NEK8: variants seen among roughly 807,000 people sequenced by gnomAD.
NEK8 encodes the protein serine/threonine-protein kinase Nek8.
Under a neutral mutation model 77.2 loss-of-function variants are expected in NEK8, and 51 were observed. The ratio of observed to expected loss-of-function variants is 0.66; its 90% CI spans 0.53 to 0.83. The LOEUF is 0.83. Ranked by LOEUF, NEK8 falls within the 40% of genes least tolerant of loss-of-function variation. The probability of loss-of-function intolerance (pLI) is 0.00; values close to 1 mark genes in which losing one functional copy is unlikely to be tolerated. For missense variants in NEK8, 787 were observed against 909.2 expected, an observed-to-expected ratio of 0.87 and a Z score of 1.73; for synonymous variants, 365 against 363.2, an observed-to-expected ratio of 1.00 and a Z score of -0.06.
chr17:28,736,271 A>G (rs2034364882), intron 4 of NEK8, among the ~76,000 whole-genome samples: 1 of 152,136 alleles, frequency 6.6e-6, no homozygotes, highest in South Asian at 2.1e-4. Context: ...ATGATTTATA[A>G]TCCTTTGGGT....
intron 1 of NEK8, chr17:28,732,942 T>A (rs1401932470): frequency 6.6e-6 from 1 of 152,098 alleles, no homozygotes; most frequent in African/African-American, 2.4e-5. Flanking sequence ...GGCGCAATCA[T>A]GGCTAACTGT....
chr17:28,733,353 T>C (rs968715056), intron 1 of NEK8, among the ~76,000 whole-genome samples: 11 of 152,204 alleles, frequency 7.2e-5, no homozygotes, highest in African/African-American at 2.4e-4. Flanking sequence ...TATCTGAGTC[T>C]AGGGTTCAGA....
chr17:28,729,703 C>T (rs1390074764), intron 1 of NEK8, among the ~76,000 whole-genome samples: 8 of 152,066 alleles, frequency 5.3e-5, no homozygotes, highest in Admixed American at 1.3e-4. Flanking sequence ...CCACCATGCC[C>T]AGCTAATATT....
In NEK8 at chr17:28,737,605, C is replaced by T. The variant is rs2034377890; in HGVS notation, c.828-70C>T. ...GTCTGAGGCAGAGGGAAACCTGGGG[C>T]AAGTCCTCCCTTCCTGCATGTAGGA... On this transcript the variant is annotated intron_variant, in intron 5 of 14. Coordinates refer to ENST00000268766, the MANE Select transcript of NEK8 (RefSeq NM_178170.3). The surrounding 1 kb of genome is among the most constrained non-coding windows in gnomAD (Gnocchi z 4.8). 1 of 1,613,772 alleles carries T rather than the reference C, an allele frequency of 6.2e-7. No homozygotes were observed. Among genetic ancestry groups the T allele is most frequent in the African/African-American group, 1.3e-5 (1 of 74,912 alleles).
At position 28,740,402 on chromosome 17, in the gene NEK8, C is replaced by A; in HGVS notation, c.1418-61C>A. Reference sequence around the variant, plus strand: ...TGTTCCCTCCCCTCAGTGGGCCCTCCTCATTCGGGCATCACCCCCACTAAA... The same window carrying A: ...TGTTCCCTCCCCTCAGTGGGCCCTCATCATTCGGGCATCACCCCCACTAAA... On this transcript the variant is annotated intron_variant, in intron 10 of 14. Coordinates refer to ENST00000268766, the MANE Select transcript of NEK8 (RefSeq NM_178170.3). The surrounding 1 kb of genome is among the most constrained non-coding windows in gnomAD (Gnocchi z 4.7). 2 of 1,489,872 alleles carry A rather than the reference C, an allele frequency of 1.3e-6. No homozygotes were observed. Among genetic ancestry groups the A allele is most frequent in the Non-Finnish European group, 1.9e-6 (2 of 1,066,946 alleles). The allele number at this position is 1,489,872 out of a possible 1,614,324, so 92.3% of individuals were successfully genotyped here.
At chr17:28,728,944 A>C (rs956932798) in intron 1 of NEK8, 84 bp downstream of exon 1, 65 of 1,270,688 alleles carry the variant, frequency 5.1e-5, no homozygotes, top group Non-Finnish European at 6.4e-5. Context: ...CCGCCCGCCT[A>C]ATCCCGCCCC....
At chr17:28,734,497 A>G (rs2034341714) in intron 2 of NEK8, 2 of 563,876 alleles carry the variant, frequency 3.5e-6, no homozygotes, top group Admixed American at 6.2e-5. Context: ...AACACGGGGA[A>G]ACCCCGTCTC....
chr17:28,730,227 C>T (rs868806190), intron 1 of NEK8, among the ~76,000 whole-genome samples: 13 of 151,428 alleles, frequency 8.6e-5, no homozygotes, highest in Admixed American at 1.3e-4. Context: ...TCTCCTGCCT[C>T]AGCATCCTGA....
chr17:28,738,101 C>A lies in NEK8; in HGVS notation c.1078C>A (p.Pro360Thr), dbSNP rs368688884. The A allele has an allele frequency of 5.0e-6, 8 of 1,613,458 alleles. No individual in the cohort carries two copies. The highest frequency in any genetic ancestry group is 2.7e-5 in the African/African-American group (2 of 74,914). ...SGRLILWEAP[P>T]LGAGGGSLLP... Reference sequence around the variant, plus strand: ...CATCCCCCTGCCCCTGCAGGCCCCACCCCTAGGTGCAGGCGGAGGCAGTCT... The same window carrying A: ...CATCCCCCTGCCCCTGCAGGCCCCAACCCTAGGTGCAGGCGGAGGCAGTCT... Residue 360 changes from proline to threonine, a missense_variant, in exon 8 of 15, where the codon CCC becomes ACC. By Grantham distance (38) the Pro-to-Thr change is conservative. Transcript: ENST00000268766.
chr17:28,737,937 G>C lies in NEK8; in HGVS notation c.1008G>C (p.Gln336His). 3 of 1,613,170 alleles carry C rather than the reference G, an allele frequency of 1.9e-6. No individual in the cohort carries two copies. Among genetic ancestry groups the C allele is most frequent in the Non-Finnish European group, 8.5e-7 (1 of 1,179,466 alleles). ...CAATGCTCAACACAGAGGTGGTCCA[G>C]GTGGCAGCTGGGCGCACGCAGAAAG... The part of the protein sequence containing the change: ...RLPMLNTEVV[Q>H]VAAGRTQKAG... Residue 336 changes from glutamine (Q) to histidine (H), a missense_variant, in exon 7 of 15, where the codon CAG becomes CAC. Around this residue, in one of 2 missense-constraint regions of NEK8, gnomAD observed 516 missense variants for 544.0 expected, o/e 0.95. Coordinates refer to ENST00000268766, the MANE Select transcript of NEK8 (RefSeq NM_178170.3). This position sits in a 1 kb window ranked among gnomAD's most constrained non-coding sequence, Gnocchi z 4.8.
chr17:28,742,421 A>G lies in NEK8; in HGVS notation c.*434A>G, dbSNP rs1056580461. 7.5e-6 allele frequency: 2 copies of G among 267,168 alleles called. No homozygotes were observed. Among genetic ancestry groups the G allele is most frequent in the Non-Finnish European group, 1.5e-5 (2 of 133,626 alleles). The allele number at this position is 267,168 out of a possible 1,614,324, so 16.5% of individuals were successfully genotyped here. ...ATCCTGGCTAACGTGGTGAAACCCC[A>G]TCTCTACTAAAAATACAAAAAAATT... On this transcript the variant is annotated 3_prime_UTR_variant, in exon 15 of 15. Coordinates refer to ENST00000268766, the MANE Select transcript of NEK8 (RefSeq NM_178170.3).
rs764097839 is a variant in NEK8, at chr17:28,735,241, T to G, written c.488T>G (p.Val163Gly). The G allele has an allele frequency of 6.2e-7, 1 of 1,613,968 alleles. No individual in the cohort carries two copies. Among genetic ancestry groups the G allele is most frequent in the Non-Finnish European group, 8.5e-7 (1 of 1,179,974 alleles). Reference sequence around the variant, plus strand: ...GTGATCCCAGCTTCTATCCTGCAGGTGGTGGGTACCCCATGCTATATCTCC... The same window carrying G: ...GTGATCCCAGCTTCTATCCTGCAGGGGGTGGGTACCCCATGCTATATCTCC... ...ILSSKSKAYT[V>G]VGTPCYISPE... Residue 163 changes from valine (V) to glycine (G), a missense_variant and splice_region_variant, in exon 4 of 15, where the codon GTG (valine) becomes GGG (glycine). Val to Gly is a moderately radical substitution (Grantham distance 109). This residue lies in a region of NEK8 where 271 missense variants were observed against 365.1 expected (regional missense o/e 0.74). Coordinates refer to ENST00000268766, the MANE Select transcript of NEK8 (RefSeq NM_178170.3).
Position 28,738,743 on chromosome 17 carries a change from GC to G in NEK8, c.1297del (p.Gln433SerfsTer45). The G allele has an allele frequency of 6.2e-7, 1 of 1,613,092 alleles. No individual in the cohort carries two copies. Among genetic ancestry groups the G allele is most frequent in the East Asian group, 2.2e-5 (1 of 44,886 alleles). On this transcript the variant is annotated frameshift_variant, in exon 9 of 15. Transcript: ENST00000268766. LOFTEE classifies it high-confidence loss of function. ...GGCCATGGCAGCCTCACTGACATCAGCCAGGTGGGTGTCACATATACCTTGG... is the reference window on the plus strand; with the variant it reads ...GGCCATGGCAGCCTCACTGACATCAGCAGGTGGGTGTCACATATACCTTGG... Reference protein sequence around the residue: ...CLGHGSLTDISQPTIVEALLG... With the variant: ...CLGHGSLTDIXQPTIVEALLG...
intron 1 of NEK8, 28 bp downstream of exon 1, chr17:28,728,888 T>G (rs1361447784): frequency 6.5e-7 from 1 of 1,537,584 alleles, no homozygotes; most frequent in East Asian, 2.4e-5. Context: ...GGGAGGAAAC[T>G]GCTAGGGGAT....
Position 28,742,292 on chromosome 17 carries a change from G to A in NEK8, c.*305G>A, listed in dbSNP as rs1597808820. Reference sequence around the variant, plus strand: ...GAAGCAGGGTGGCCTCCAGAGCCTTGCCATAAAAAGGCTGAAGGCAGCCGG... The same window carrying A: ...GAAGCAGGGTGGCCTCCAGAGCCTTACCATAAAAAGGCTGAAGGCAGCCGG... On this transcript the variant is annotated 3_prime_UTR_variant, in exon 15 of 15. Transcript: ENST00000268766. The A allele has an allele frequency of 5.8e-6, 3 of 518,222 alleles. No homozygotes were observed. The highest frequency in any genetic ancestry group is 7.1e-5 in the East Asian group (2 of 28,364). 32.1% of individuals were successfully genotyped at this position (518,222 alleles called of 1,614,324 possible). A position where few individuals can be genotyped will look rare whatever the true frequency, so the allele number is the denominator to read the frequency against.
intron 8 of NEK8, 117 bp from the exon 9 acceptor site, chr17:28,738,554 C>A: frequency 1.1e-6 from 1 of 899,180 alleles, no homozygotes; most frequent in Non-Finnish European, 1.8e-6. Flanking sequence ...CCTATCCCAT[C>A]CTTCCAGCCC....
chr17:28,736,247 G>A (rs1165757363), intron 4 of NEK8, among the ~76,000 whole-genome samples: 2 of 152,290 alleles, frequency 1.3e-5, no homozygotes, highest in Non-Finnish European at 2.9e-5. Flanking sequence ...GTGTGCATGT[G>A]TCTTTATAGC....
Position 28,738,223 on chromosome 17 carries a change from C to G in NEK8, c.1200C>G (p.Asp400Glu). Residue 400 changes from aspartate to glutamate, a missense_variant, in exon 8 of 15, where the codon GAC becomes GAG. Around this residue, in one of 2 missense-constraint regions of NEK8, gnomAD observed 516 missense variants for 544.0 expected, o/e 0.95. Coordinates refer to ENST00000268766, the MANE Select transcript of NEK8 (RefSeq NM_178170.3). The part of the protein sequence containing the change: ...GVTIKHVACG[D>E]FFTACLTDRG... Reference sequence around the variant, plus strand: ...CCATCAAGCACGTGGCCTGTGGGGACTTCTTCACTGCCTGCCTGACTGGTG... The same window carrying G: ...CCATCAAGCACGTGGCCTGTGGGGAGTTCTTCACTGCCTGCCTGACTGGTG... The G allele has an allele frequency of 6.2e-7, 1 of 1,614,180 alleles. No individual in the cohort carries two copies. Among genetic ancestry groups the G allele is most frequent in the South Asian group, 1.1e-5 (1 of 91,086 alleles).
chr17:28,739,073 C>T lies in NEK8; in HGVS notation c.1300-11C>T, dbSNP rs764888314. 3 of 1,607,188 alleles carry T rather than the reference C, an allele frequency of 1.9e-6. No individual in the cohort carries two copies. Among genetic ancestry groups the T allele is most frequent in the South Asian group, 1.1e-5 (1 of 90,946 alleles). ...TTTGCCCAGTTTCTCCTTGCTTCCT[C>T]TCCTCTCTAGCCCACCATTGTGGAG... On this transcript the variant is annotated splice_polypyrimidine_tract_variant and intron_variant, in intron 9 of 14. Coordinates refer to ENST00000268766, the MANE Select transcript of NEK8 (RefSeq NM_178170.3).
Sources: allele counts gnomAD v4.1 joint callset (sites outside exome capture counted in the v4.1 genomes callset), GRCh38; gene constraint gnomAD v4.1.1; regional missense constraint gnomAD v4.1.1; non-coding constraint Gnocchi (gnomAD v3.1); transcripts MANE v1.5; gene names NCBI Gene and HGNC (gene_info 2026-07-23, HGNC 2026-07-21).